Variants in PKHD1 observed in about 807,000 individuals in gnomAD.
The protein encoded by PKHD1 is fibrocystin.
PKHD1 carries 291 observed loss-of-function variants against 412.0 expected under a neutral mutation model. The ratio of observed to expected loss-of-function variants is 0.71; its 90% CI spans 0.64 to 0.78. The LOEUF (loss-of-function observed/expected upper bound fraction) is 0.78, where lower values mean the gene tolerates loss of function less well. PKHD1 is among the 30% of genes least tolerant of loss of function. The probability of loss-of-function intolerance (pLI) is 0.00; values close to 1 mark genes in which losing one functional copy is unlikely to be tolerated. For synonymous variants in PKHD1, 1,777 were observed against 1,821.5 expected (o/e 0.98, Z 0.62); for missense variants, 4,825 against 4,950.7 (o/e 0.97, Z 0.76).
At position 52,043,154 on chromosome 6, in the gene PKHD1, T is replaced by TA; in HGVS notation, c.2822-21dup. The TA allele has an allele frequency of 3.2e-6, 5 of 1,582,414 alleles. No homozygotes were observed. Among genetic ancestry groups the TA allele is most frequent in the Non-Finnish European group, 4.3e-6 (5 of 1,153,924 alleles). ...CACCATCTTAAAGGAGAAAAGAAAT[T>TA]AAAAAACAAATAAAATAATCTCTCA... On this transcript the variant is annotated intron_variant, in intron 26 of 66. Coordinates refer to ENST00000371117, the MANE Select transcript of PKHD1 (RefSeq NM_138694.4).
At chr6:51,690,361 C>T (rs374162749) in intron 60 of PKHD1, among the ~76,000 whole-genome samples, 3 of 148,126 alleles carry the variant, frequency 2.0e-5, no homozygotes, top group African/African-American at 7.5e-5. Context: ...ATAGCCAAGA[C>T]AATCCTAAGC....
At chr6:52,046,282 T>C (rs977250822) in intron 23 of PKHD1, 94 bp from the exon 24 acceptor site, 9 of 985,838 alleles carry the variant, frequency 9.1e-6, no homozygotes, top group Middle Eastern at 2.3e-4. Context: ...CATACTAGGA[T>C]GCCTATCAAA....
intron 49 of PKHD1, among the ~76,000 whole-genome samples, chr6:51,855,036 C>T (rs767053385): frequency 6.6e-6 from 1 of 152,204 alleles, no homozygotes; most frequent in Non-Finnish European, 1.5e-5. Context: ...GCTCTAGGCC[C>T]GGGTGGTGGT....
intron 52 of PKHD1, among the ~76,000 whole-genome samples, chr6:51,803,388 T>C (rs1763226565): frequency 2.0e-5 from 3 of 152,156 alleles, no homozygotes; most frequent in African/African-American, 7.2e-5. Context: ...CTAGAATGTT[T>C]ATTCACAATT....
intron 36 of PKHD1, among the ~76,000 whole-genome samples, chr6:51,949,859 G>A (rs1186605086): frequency 6.6e-6 from 1 of 152,024 alleles, no homozygotes; most frequent in Non-Finnish European, 1.5e-5. Context: ...CTGGGATGGA[G>A]CCACACACAC....
intron 60 of PKHD1, among the ~76,000 whole-genome samples, chr6:51,717,449 T>A (rs1219229867): frequency 9.9e-5 from 15 of 152,052 alleles, no homozygotes; most frequent in Middle Eastern, 3.4e-3. Flanking sequence ...ATGATGATGG[T>A]CCCAAAAGAT....
rs77294866 is a variant in PKHD1 at position 51,831,313 on chromosome 6, C to G, written c.8174-324G>C. Reference sequence around the variant, plus strand: ...CCATAATCTCACTACCTTGCAATAACTACCTTTTATTTCTGTTTCCTTCCA... The same window carrying G: ...CCATAATCTCACTACCTTGCAATAAGTACCTTTTATTTCTGTTTCCTTCCA... On this transcript the variant is annotated intron_variant, in intron 51 of 66. Transcript: ENST00000371117. Among the ~76,000 whole-genome samples, 8,323 of 152,194 alleles carry G rather than the reference C, an allele frequency of 0.055. 240 individuals are homozygous for G. The highest frequency in any genetic ancestry group is 0.073 in the South Asian group (350 of 4,822).
rs766302005 is a variant in PKHD1, at chr6:51,659,586, A to G, written c.10540T>C (p.Phe3514Leu). 1 of 1,613,754 alleles carries G rather than the reference A, an allele frequency of 6.2e-7. No homozygotes were observed. The highest frequency in any genetic ancestry group is 8.5e-7 in the Non-Finnish European group (1 of 1,179,868). Residue 3514 changes from phenylalanine to leucine, a missense_variant, in exon 61 of 67, where the codon TTT (phenylalanine) becomes CTT (leucine). Physicochemically the swap from Phe to Leu is conservative, Grantham distance 22 (BLOSUM62 0). Coordinates refer to ENST00000371117, the MANE Select transcript of PKHD1 (RefSeq NM_138694.4). The part of the protein sequence containing the change: ...QSPHVFLGES[F>L]IPPTLVQSAS... Reference sequence around the variant, plus strand: ...GACTGAACCAGAGTGGGTGGAATAAAACTTTCCCCTAAGAAGACGTGGGGG... The same window carrying G: ...GACTGAACCAGAGTGGGTGGAATAAGACTTTCCCCTAAGAAGACGTGGGGG...
chr6:51,701,263 C>T (rs938185886), intron 60 of PKHD1, among the ~76,000 whole-genome samples: 4 of 151,976 alleles, frequency 2.6e-5, no homozygotes, highest in African/African-American at 7.2e-5. Flanking sequence ...ATGCCATATT[C>T]GAAATTATTA....
At chr6:51,884,306 T>A (rs1777863894) in intron 45 of PKHD1, among the ~76,000 whole-genome samples, 1 of 152,196 alleles carries the variant, frequency 6.6e-6, no homozygotes, top group South Asian at 2.1e-4. Flanking sequence ...GGTCTTGGCA[T>A]CCTTTGTCAA....
intron 60 of PKHD1, among the ~76,000 whole-genome samples, chr6:51,666,550 T>A (rs576746381): frequency 7.9e-4 from 120 of 152,248 alleles, no homozygotes; most frequent in Admixed American, 2.4e-3. Context: ...TAATTTTTTT[T>A]TAAATTTATT....
intron 8 of PKHD1, among the ~76,000 whole-genome samples, chr6:52,071,355 A>T (rs1248288298): frequency 6.6e-6 from 1 of 151,972 alleles, no homozygotes; most frequent in Non-Finnish European, 1.5e-5. Flanking sequence ...TATGACAAGT[A>T]TAACAAAACC....
At chr6:52,049,438 T>C (rs1269984312) in intron 22 of PKHD1, among the ~76,000 whole-genome samples, 2 of 152,338 alleles carry the variant, frequency 1.3e-5, no homozygotes, top group African/African-American at 4.8e-5. Context: ...TTTAGACATA[T>C]ATGTGTATAC....
rs1812523474 is a variant in PKHD1 at position 52,084,833 on chromosome 6, A to T, written c.52+49T>A. ...AAGTTTCAATAATAGTTCTCAAGGTAACCTATTGTGTTCTTACCTATAATT... is the reference window on the plus strand; with the variant it reads ...AAGTTTCAATAATAGTTCTCAAGGTTACCTATTGTGTTCTTACCTATAATT... On this transcript the variant is annotated intron_variant, in intron 2 of 66. Coordinates refer to ENST00000371117, the MANE Select transcript of PKHD1 (RefSeq NM_138694.4). 5.4e-6 allele frequency: 6 copies of T among 1,102,894 alleles called. No homozygotes were observed. The East Asian group carries it at 1.4e-4, about 26-fold the overall frequency. The allele number at this position is 1,102,894 out of a possible 1,614,324, so 68.3% of individuals were successfully genotyped here. A position where few individuals can be genotyped will look rare whatever the true frequency, so the allele number is the denominator to read the frequency against.
chr6:51,676,382 TTA>T (rs1319374340), intron 60 of PKHD1, among the ~76,000 whole-genome samples: 2 of 152,032 alleles, frequency 1.3e-5, no homozygotes, highest in Non-Finnish European at 2.9e-5. Flanking sequence ...AAAGAAAAAT[TTA>T]TATGTTTAAA....
intron 60 of PKHD1, among the ~76,000 whole-genome samples, chr6:51,704,939 G>A (rs971742086): frequency 6.6e-6 from 1 of 152,032 alleles, no homozygotes; most frequent in African/African-American, 2.4e-5. Context: ...TGGAGGTATA[G>A]GTAGAAGAGG....
At chr6:51,869,782 T>C (rs1192156832) in intron 47 of PKHD1, among the ~76,000 whole-genome samples, 1 of 123,366 alleles carries the variant, frequency 8.1e-6, no homozygotes, top group Non-Finnish European at 1.6e-5. Flanking sequence ...TCTGCCTACA[T>C]AGGAAAAAAA....
intron 29 of PKHD1, among the ~76,000 whole-genome samples, chr6:52,028,767 C>A (rs909573399): frequency 6.6e-6 from 1 of 152,194 alleles, no homozygotes; most frequent in African/African-American, 2.4e-5. Flanking sequence ...CTGCCTTGGC[C>A]TCCCACAGGG....
intron 35 of PKHD1, among the ~76,000 whole-genome samples, chr6:51,979,398 T>C (rs562451116): frequency 6.6e-6 from 1 of 152,296 alleles, no homozygotes; most frequent in East Asian, 1.9e-4. Context: ...TGAATAAATG[T>C]TAAATGGACG....
Sources: allele counts gnomAD v4.1 joint callset (sites outside exome capture counted in the v4.1 genomes callset), GRCh38; gene constraint gnomAD v4.1.1; transcripts MANE v1.5; gene names NCBI Gene and HGNC (gene_info 2026-07-23, HGNC 2026-07-21).